Variants in APOB observed in about 807,000 individuals in gnomAD.
APOB encodes apolipoprotein B.
APOB carries 153 observed loss-of-function variants against 314.1 expected under a neutral mutation model. The observed-to-expected ratio is 0.49, with a 90% CI of 0.43 to 0.56. APOB has a LOEUF of 0.56. APOB is among the 20% of genes least tolerant of loss of function. The pLI, the probability that APOB is intolerant of heterozygous loss-of-function variation, is 0.00. For missense variants in APOB, 5,430 were observed against 5,350.7 expected (o/e 1.01, Z -0.46); for synonymous variants, 2,087 against 2,036.4 (o/e 1.02, Z -0.67).
rs750787950 is a variant in APOB, at chr2:21,010,724, C to T, written c.6144G>A (p.Lys2048=). The part of the protein sequence containing the change: ...DALEMRDAVE[K]PQEFTIVAFV... ...AAGCAACAATTGTAAATTCTTGGGGCTTCTCAACGGCATCTCTCATCTCTA... is the reference window on the plus strand; with the variant it reads ...AAGCAACAATTGTAAATTCTTGGGGTTTCTCAACGGCATCTCTCATCTCTA... The change falls in exon 26 of 29, where the codon AAG becomes AAA. Residue 2048 remains lysine (K), a synonymous_variant. Transcript: ENST00000233242. 9 of 1,613,936 alleles carry T rather than the reference C, an allele frequency of 5.6e-6. No individual in the cohort carries two copies. Among genetic ancestry groups the T allele is most frequent in the South Asian group, 3.3e-5 (3 of 91,054 alleles).
rs1466195432 is a variant in APOB, at chr2:21,003,051, T to C, written c.12371A>G (p.Asp4124Gly). The change falls in exon 29 of 29, where the codon GAT becomes GGT. Residue 4124 changes from aspartate (D) to glycine (G), a missense_variant. Asp to Gly is a moderately conservative substitution (Grantham distance 94). This residue lies in a region of APOB where 3,281 missense variants were observed against 3,171.0 expected (regional missense o/e 1.03). Transcript: ENST00000233242. ...WVYQGAIRQI[D>G]DIDVRFQKAA... ...TTTCTGGAACCTCACGTCGATATCA[T>C]CAATTTGCCTAATGGCCCCTTGATA... is the stretch of plus-strand genomic sequence containing the variant. 6.4e-7 allele frequency: 1 copy of C among 1,569,398 alleles called. No homozygotes were observed. Among genetic ancestry groups the C allele is most frequent in the Admixed American group, 1.9e-5 (1 of 53,998 alleles).
intron 20 of APOB, among the ~76,000 whole-genome samples, chr2:21,017,064 G>A (rs951632450): frequency 6.6e-5 from 10 of 151,496 alleles, no homozygotes; most frequent in Non-Finnish European, 1.5e-4. Context: ...GTTTTGGAAG[G>A]AAAGAGAGGA....
rs776068398 is a variant in APOB at position 21,005,790 on chromosome 2, G to C, written c.11078C>G (p.Thr3693Ser). The C allele has an allele frequency of 6.2e-7, 1 of 1,614,016 alleles. No individual in the cohort carries two copies. Among genetic ancestry groups the C allele is most frequent in the Admixed American group, 1.7e-5 (1 of 60,012 alleles). Residue 3693 changes from threonine (T) to serine (S), a missense_variant, in exon 26 of 29, where the codon ACC (threonine) becomes AGC (serine). Physicochemically the swap from Thr to Ser is moderately conservative, Grantham distance 58. Coordinates refer to ENST00000233242, the MANE Select transcript of APOB (RefSeq NM_000384.3). The stretch of plus-strand genomic sequence containing the variant: ...ATGCTGTCTCCTACCAATGCTGGTG[G>C]TTACATCCAGCTTTAGGAAATCCCA... ...SLWDFLKLDV[T>S]TSIGRRQHLR...
Position 21,010,868 on chromosome 2 carries a change from G to A in APOB, c.6000C>T (p.Asn2000=), listed in dbSNP as rs774954310. Reference sequence around the variant, plus strand: ...GCTCCACGCCAATTTTATCTTTAGTGTTGTAAGCATCCAAGTCCTGGCTGT... The same window carrying A: ...GCTCCACGCCAATTTTATCTTTAGTATTGTAAGCATCCAAGTCCTGGCTGT... ...NEYSQDLDAY[N]TKDKIGVELT... The change falls in exon 26 of 29, where the codon AAC becomes AAT. Residue 2000 remains asparagine (N), a synonymous_variant. Transcript: ENST00000233242. The A allele has an allele frequency of 1.2e-6, 2 of 1,614,016 alleles. No homozygotes were observed. Among genetic ancestry groups the A allele is most frequent in the Admixed American group, 1.7e-5 (1 of 60,006 alleles).
At chr2:21,039,825 AC>A (rs528171175) in intron 4 of APOB, among the ~76,000 whole-genome samples, 5 of 152,180 alleles carry the variant, frequency 3.3e-5, no homozygotes, top group Non-Finnish European at 7.3e-5. Context: ...TCCCTCATAT[AC>A]AGTTAAGTCT....
chr2:21,016,662 A>G lies in APOB; in HGVS notation c.3122-13T>C. 2 of 1,549,650 alleles carry G rather than the reference A, an allele frequency of 1.3e-6. No individual in the cohort carries two copies. Among genetic ancestry groups the G allele is most frequent in the Non-Finnish European group, 1.8e-6 (2 of 1,121,192 alleles). The stretch of plus-strand genomic sequence containing the variant: ...GTCTGCTTCGCACCTGGACGAGTGT[A>G]TAAGAGAATCAAGAGATGTGTGGTA... On this transcript the variant is annotated splice_polypyrimidine_tract_variant and intron_variant, in intron 20 of 28. Transcript: ENST00000233242.
At position 21,008,534 on chromosome 2, in the gene APOB, C is replaced by T. The variant is rs142056660; in HGVS notation, c.8334G>A (p.Gly2778=). The T allele has an allele frequency of 1.5e-5, 24 of 1,613,956 alleles. No individual in the cohort carries two copies. The African/African-American group carries it at 2.3e-4, about 15-fold the overall frequency. ...LFTLDANADI[G]NGTTSANEAG... is the part of the protein sequence containing the mutation. Reference sequence around the variant, plus strand: ...CTTCGTTTGCTGAGGTGGTTCCATTCCCTATGTCAGCATTTGCATCTAATG... The same window carrying T: ...CTTCGTTTGCTGAGGTGGTTCCATTTCCTATGTCAGCATTTGCATCTAATG... The change falls in exon 26 of 29, where the codon GGG becomes GGA. Residue 2778 remains glycine (G), a synonymous_variant. Coordinates refer to ENST00000233242, the MANE Select transcript of APOB (RefSeq NM_000384.3).
Position 21,003,098 on chromosome 2 carries a change from C to A in APOB, c.12324G>T (p.Leu4108=), listed in dbSNP as rs1663036823. The part of the protein sequence containing the change: ...REVSSKLRRN[L]QNNAEWVYQG... ...GATAAACCCACTCAGCATTGTTCTG[C>A]AGATTTCTTCTCAGCTTTGAAGACA... Residue 4108 remains leucine (L), a synonymous_variant, in exon 29 of 29, where the codon CTG becomes CTT. Coordinates refer to ENST00000233242, the MANE Select transcript of APOB (RefSeq NM_000384.3). The A allele has an allele frequency of 1.9e-6, 3 of 1,596,418 alleles. No homozygotes were observed. The highest frequency in any genetic ancestry group is 1.1e-5 in the South Asian group (1 of 88,710).
chr2:21,035,434 G>T, intron 7 of APOB, 150 bp downstream of exon 7: 1 of 1,009,270 alleles, frequency 9.9e-7, no homozygotes, highest in Non-Finnish European at 1.5e-6. Context: ...TGGCCTGTTC[G>T]CTTAAAAAGG....
Position 21,028,546 on chromosome 2 carries a change from CA to C in APOB, c.1618-9del. The C allele has an allele frequency of 6.3e-7, 1 of 1,599,610 alleles. No individual in the cohort carries two copies. On this transcript the variant is annotated splice_polypyrimidine_tract_variant and intron_variant, in intron 12 of 28. Transcript: ENST00000233242. ...AAGAAGAACCTCCTGGTCCTGCAGT[CA>C]AAAGAGGAGATGGTTATCACTGTCC...
chr2:21,015,343 T>C (rs1384458815), intron 22 of APOB, 27 bp downstream of exon 22: 2 of 1,614,106 alleles, frequency 1.2e-6, no homozygotes, highest in South Asian at 1.1e-5. Context: ...ACTTTGGAAG[T>C]GCTCACACAG....
At chr2:21,025,399 C>A (rs548395974) in intron 15 of APOB, among the ~76,000 whole-genome samples, 1 of 152,274 alleles carries the variant, frequency 6.6e-6, no homozygotes, top group African/African-American at 2.4e-5. Context: ...TCCCTATTCT[C>A]CAGTATGCCA....
At chr2:21,042,601 T>A (rs1209854274) in intron 2 of APOB, 125 bp from the exon 3 acceptor site, 1 of 740,846 alleles carries the variant, frequency 1.3e-6, no homozygotes, top group Non-Finnish European at 2.4e-6. Flanking sequence ...AATTATTTTT[T>A]AATTGACTTT....
chr2:21,019,017 G>A lies in APOB; in HGVS notation c.3096C>T (p.Thr1032=). ...CTTCTGCTTGAGTTACAAACTTCAG[G>A]GTATCCACCAAGGCTCTGTCCTCTC... is the stretch of plus-strand genomic sequence containing the variant. ...LQREDRALVD[T]LKFVTQAEGA... Residue 1032 remains threonine (T), a synonymous_variant, in exon 20 of 29, where the codon ACC becomes ACT. Coordinates refer to ENST00000233242, the MANE Select transcript of APOB (RefSeq NM_000384.3). The A allele has an allele frequency of 6.2e-7, 1 of 1,613,832 alleles. No homozygotes were observed.
chr2:21,014,684 T>G, intron 23 of APOB, 91 bp from the exon 24 acceptor site: 1 of 1,359,864 alleles, frequency 7.4e-7, no homozygotes, highest in South Asian at 1.2e-5. Flanking sequence ...TTTGACAAGT[T>G]AATTATTAAG....
chr2:21,019,525 C>T (rs985448419), intron 19 of APOB, among the ~76,000 whole-genome samples, 198 bp downstream of exon 19: 3 of 152,186 alleles, frequency 2.0e-5, no homozygotes, highest in African/African-American at 7.2e-5. Flanking sequence ...GCTGTGATCC[C>T]ATCCCATGCA....
At position 21,003,129 on chromosome 2, in the gene APOB, C is replaced by T. The variant is rs1187966685; in HGVS notation, c.12293G>A (p.Arg4098Lys). The change falls in exon 29 of 29, where the codon AGA becomes AAA. Residue 4098 changes from arginine to lysine, a missense_variant. Around this residue, in one of 3 missense-constraint regions of APOB, gnomAD observed 3,281 missense variants for 3,171.0 expected, o/e 1.03. Transcript: ENST00000233242. ...TCTTCTCAGCTTTGAAGACACTTCTCTCAGGGTGAGCCCTGTGTGTTCCCA... is the reference window on the plus strand; with the variant it reads ...TCTTCTCAGCTTTGAAGACACTTCTTTCAGGGTGAGCCCTGTGTGTTCCCA... ...YHWEHTGLTLREVSSKLRRNL... is the reference protein window; with the variant it reads ...YHWEHTGLTLKEVSSKLRRNL... 6.2e-7 allele frequency: 1 copy of T among 1,608,160 alleles called. No individual in the cohort carries two copies. Among genetic ancestry groups the T allele is most frequent in the African/African-American group, 1.3e-5 (1 of 74,658 alleles).
At position 21,004,250 on chromosome 2, in the gene APOB, C is replaced by T. The variant is rs1360607229; in HGVS notation, c.12087+19G>A. On this transcript the variant is annotated intron_variant, in intron 28 of 28. Coordinates refer to ENST00000233242, the MANE Select transcript of APOB (RefSeq NM_000384.3). Reference sequence around the variant, plus strand: ...TCCACTCGCTCTTGGGGGCGTGTCACTCATTAGGTGGTATTTACCTGAGGG... The same window carrying T: ...TCCACTCGCTCTTGGGGGCGTGTCATTCATTAGGTGGTATTTACCTGAGGG... 15 of 1,613,302 alleles carry T rather than the reference C, an allele frequency of 9.3e-6. No individual in the cohort carries two copies. Among genetic ancestry groups the T allele is most frequent in the Non-Finnish European group, 1.3e-5 (15 of 1,179,528 alleles).
Position 21,035,677 on chromosome 2 carries a change from C to T in APOB, c.725G>A (p.Ser242Asn), listed in dbSNP as rs1663985837. ...TRPLSTLISS[S>N]QSCQYTLDAK... is the part of the protein sequence containing the mutation. ...GTCCAGTGTGTACTGACAGGACTGG[C>T]TGCTGCTGATCAGAGTTGACAAGGG... The change falls in exon 7 of 29, where the codon AGC (serine) becomes AAC (asparagine). Residue 242 changes from serine to asparagine, a missense_variant. By Grantham distance (46) the Ser-to-Asn change is conservative. This residue lies in a region of APOB where 2,085 missense variants were observed against 2,079.7 expected (regional missense o/e 1.00). Coordinates refer to ENST00000233242, the MANE Select transcript of APOB (RefSeq NM_000384.3). The T allele has an allele frequency of 6.2e-7, 1 of 1,613,924 alleles. No homozygotes were observed. Among genetic ancestry groups the T allele is most frequent in the Non-Finnish European group, 8.5e-7 (1 of 1,179,994 alleles).
Sources: gnomAD v4.1 joint callset for allele counts (sites outside exome capture counted in the v4.1 genomes callset) on GRCh38, gnomAD v4.1.1 for gene constraint, gnomAD v4.1.1 regional missense constraint, MANE v1.5 for transcripts, NCBI Gene and HGNC (gene_info 2026-07-23, HGNC 2026-07-21) for gene names.